The following DOCK8 variants were observed in gnomAD, a reference collection of about 807,000 sequenced individuals.
DOCK8 encodes dedicator of cytokinesis protein 8.
A neutral mutation model predicts 245.6 loss-of-function variants in DOCK8; 141 were observed. That is an observed-to-expected ratio of 0.57 (90% CI 0.50 to 0.66). The LOEUF (loss-of-function observed/expected upper bound fraction) is 0.66, where lower values mean the gene tolerates loss of function less well. Among genes scored for constraint, DOCK8 ranks in the 30% least tolerant of loss-of-function variants. DOCK8 has a pLI of 0.00. For synonymous variants in DOCK8, 1,168 were observed against 970.2 expected (o/e 1.20, Z -3.79); for missense variants, 2,965 against 2,603.4 (o/e 1.14, Z -3.02).
intron 1 of DOCK8, among the ~76,000 whole-genome samples, chr9:225,816 ATC>A (rs2046977410): frequency 6.6e-6 from 1 of 152,144 alleles, no homozygotes; most frequent in South Asian, 2.1e-4. Flanking sequence ...CAAGGAAAGC[ATC>A]TCTTAGAGAA....
intron 5 of DOCK8, among the ~76,000 whole-genome samples, chr9:309,127 A>G (rs1335619337): frequency 6.6e-6 from 1 of 152,190 alleles, no homozygotes; most frequent in African/African-American, 2.4e-5. Flanking sequence ...GTTATACCCT[A>G]CGGATAAATT....
intron 1 of DOCK8, among the ~76,000 whole-genome samples, chr9:235,423 C>G (rs2047221959): frequency 6.6e-6 from 1 of 152,214 alleles, no homozygotes; most frequent in South Asian, 2.1e-4. Context: ...CTCTTCAAAG[C>G]TGTCAGAGAG....
At chr9:417,049 C>T (rs1041630776) in intron 29 of DOCK8, among the ~76,000 whole-genome samples, 1 of 152,180 alleles carries the variant, frequency 6.6e-6, no homozygotes, top group Admixed American at 6.5e-5. Flanking sequence ...AATCCCAGCA[C>T]TTTGGGAGGC....
chr9:431,583 A>G (rs531987348), intron 36 of DOCK8, among the ~76,000 whole-genome samples: 9 of 152,284 alleles, frequency 5.9e-5, no homozygotes, highest in African/African-American at 2.2e-4. Context: ...ATCTTGGCCC[A>G]CTGCAACCTC....
At chr9:405,153 T>C in intron 27 of DOCK8, 80 bp downstream of exon 27, 1 of 1,405,206 alleles carries the variant, frequency 7.1e-7, no homozygotes, top group Non-Finnish European at 9.9e-7. Flanking sequence ...GTATTTCCTA[T>C]AAAGGTTAGT....
rs543106756 is a variant in DOCK8 at position 334,185 on chromosome 9, T to G, written c.1126-40T>G. 3.4e-5 allele frequency: 55 copies of G among 1,613,364 alleles called. No individual in the cohort carries two copies. The South Asian group carries it at 5.7e-4, about 17-fold the overall frequency. On this transcript the variant is annotated intron_variant, in intron 10 of 47. Transcript: ENST00000432829. The stretch of plus-strand genomic sequence containing the variant: ...AGGTCAGAGGCAGTTGACTTGGTGC[T>G]GATGCTTGTTTCAGCTTGTTTCTTT...
chr9:370,368 C>G, intron 16 of DOCK8, 68 bp downstream of exon 16: 1 of 1,454,888 alleles, frequency 6.9e-7, no homozygotes, highest in Non-Finnish European at 9.7e-7. Context: ...TTTCCAAGTC[C>G]CGTGGGTGGT....
rs754873966 is a variant in DOCK8 at position 422,097 on chromosome 9, G to A, written c.4203G>A (p.Glu1401=). 2.0e-5 allele frequency: 32 copies of A among 1,614,114 alleles called. No individual in the cohort carries two copies. The highest frequency in any genetic ancestry group is 3.3e-5 in the Admixed American group (2 of 60,018). Residue 1401 remains glutamate (E), a synonymous_variant, in exon 33 of 48, where the codon GAG becomes GAA. Coordinates refer to ENST00000432829, the MANE Select transcript of DOCK8 (RefSeq NM_203447.4). ...ATGAAAATTTGAGATGGAAGAAAGA[G>A]CAGACACATTGGCGGCAAGCTAATG... ...GLNENLRWKK[E]QTHWRQANEK...
At chr9:272,914 C>CAGCA (rs1413218966) in intron 2 of DOCK8, 5 of 395,054 alleles carry the variant, frequency 1.3e-5, no homozygotes, top group African/African-American at 6.5e-5. Context: ...CTTCCTCACA[C>CAGCA]AGCACAGCAG....
intron 1 of DOCK8, chr9:215,740 T>A (rs1199333407): frequency 4.1e-6 from 1 of 246,868 alleles, no homozygotes; most frequent in East Asian, 8.6e-5. Flanking sequence ...CTAATCAAAG[T>A]TGCACAAACT....
At chr9:386,235 T>C in intron 22 of DOCK8, 96 bp from the exon 23 acceptor site, 3 of 1,016,230 alleles carry the variant, frequency 3.0e-6, no homozygotes, top group South Asian at 1.4e-5. Flanking sequence ...AAAAAAAATA[T>C]GTATAAAAAA....
rs748353694 is a variant in DOCK8 at position 325,715 on chromosome 9, A to G, written c.872A>G (p.Tyr291Cys). ...CCCCTGTTTGCCAGCATTGCCCTCTACGATGTTAAAGAAAGGAAAAAGGTA... is the reference window on the plus strand; with the variant it reads ...CCCCTGTTTGCCAGCATTGCCCTCTGCGATGTTAAAGAAAGGAAAAAGGTA... The part of the protein sequence containing the change: ...IEPLFASIAL[Y>C]DVKERKKISE... Residue 291 changes from tyrosine (Y) to cysteine (C), a missense_variant, in exon 8 of 48, where the codon TAC (tyrosine) becomes TGC (cysteine). Tyr to Cys is a radical substitution (Grantham distance 194, BLOSUM62 -2). Around this residue, in one of 3 missense-constraint regions of DOCK8, gnomAD observed 2,825 missense variants for 2,453.5 expected, o/e 1.15. Transcript: ENST00000432829. 3 of 1,614,050 alleles carry G rather than the reference A, an allele frequency of 1.9e-6. No individual in the cohort carries two copies. The highest frequency in any genetic ancestry group is 2.5e-6 in the Non-Finnish European group (3 of 1,179,922).
At position 286,545 on chromosome 9, in the gene DOCK8, C is replaced by T. The variant is rs1161825297; in HGVS notation, c.241C>T (p.Gln81Ter). The change falls in exon 3 of 48, where the codon CAG (glutamine) becomes TAG (stop). Residue 81 changes from glutamine to a stop codon, truncating the protein, a stop_gained. Transcript: ENST00000432829. LOFTEE classifies it high-confidence loss of function. ...HLNSLDVQLA[Q>*]ELGDFTDDDL... ...GAACAGCCTGGATGTGCAGCTTGCC[C>T]AGGAGCTCGGGGACTTCACTGATGA... 1 of 1,613,974 alleles carries T rather than the reference C, an allele frequency of 6.2e-7. No homozygotes were observed. The highest frequency in any genetic ancestry group is 8.5e-7 in the Non-Finnish European group (1 of 1,179,926).
At chr9:215,340 C>A in intron 1 of DOCK8, 1 of 1,602,240 alleles carries the variant, frequency 6.2e-7, no homozygotes, top group Non-Finnish European at 8.5e-7. Context: ...TGGCCGGGTC[C>A]CAGAAGGGTG....
intron 26 of DOCK8, among the ~76,000 whole-genome samples, chr9:400,167 C>T (rs372319481): frequency 3.1e-4 from 29 of 93,634 alleles, no homozygotes; most frequent in East Asian, 1.6e-3. Flanking sequence ...CCACCACCAC[C>T]TCCACCATCA....
At chr9:227,246 G>A (rs768116462) in intron 1 of DOCK8, among the ~76,000 whole-genome samples, 2 of 152,232 alleles carry the variant, frequency 1.3e-5, no homozygotes, top group Non-Finnish European at 2.9e-5. Context: ...TGATGCCAAT[G>A]AGAAATTATG....
At chr9:267,182 A>G (rs1289660744) in intron 1 of DOCK8, among the ~76,000 whole-genome samples, 1 of 152,164 alleles carries the variant, frequency 6.6e-6, no homozygotes, top group African/African-American at 2.4e-5. Context: ...TCTGCACACT[A>G]TTTTATATGT....
chr9:347,727 G>A (rs2051969704), intron 14 of DOCK8, among the ~76,000 whole-genome samples: 1 of 152,140 alleles, frequency 6.6e-6, no homozygotes, highest in Non-Finnish European at 1.5e-5. Flanking sequence ...TTGCAACTTG[G>A]TCTCGATAAT....
intron 4 of DOCK8, 48 bp from the exon 5 acceptor site, chr9:304,533 G>A (rs377331103): frequency 9.9e-5 from 160 of 1,611,476 alleles, no homozygotes; most frequent in Middle Eastern, 4.9e-4. Context: ...ATGGTTTGCC[G>A]CTCTCTCTCC....
Sources: allele counts gnomAD v4.1 joint callset (sites outside exome capture counted in the v4.1 genomes callset), GRCh38; gene constraint gnomAD v4.1.1; regional missense constraint gnomAD v4.1.1; transcripts MANE v1.5; gene names NCBI Gene and HGNC (gene_info 2026-07-23, HGNC 2026-07-21).